Variants in TJP3 observed in about 807,000 individuals in gnomAD.
The protein encoded by TJP3 is tight junction protein 3, also known as tight junction protein ZO-3.
A neutral mutation model predicts 104.2 loss-of-function variants in TJP3; 85 were observed. The observed-to-expected ratio is 0.82, with a 90% CI of 0.68 to 0.98. The LOEUF is 0.98. Among genes scored for constraint, TJP3 ranks in the 50% least tolerant of loss-of-function variants. The pLI is 0.00. For missense variants in TJP3, 1,367 were observed against 1,322.8 expected, an observed-to-expected ratio of 1.03 and a Z score of -0.52; for synonymous variants, 550 against 550.6, an observed-to-expected ratio of 1.00 and a Z score of 0.02.
intron 1 of TJP3, among the ~76,000 whole-genome samples, chr19:3,718,319 G>C (rs1044463421): frequency 4.0e-5 from 6 of 148,970 alleles, no homozygotes; most frequent in Admixed American, 2.0e-4. Flanking sequence ...CTGGCCTCAA[G>C]AGATCCTCCC....
intron 14 of TJP3, among the ~76,000 whole-genome samples, chr19:3,742,224 A>G (rs2036831280): frequency 6.6e-6 from 1 of 151,776 alleles, no homozygotes; most frequent in African/African-American, 2.4e-5. Flanking sequence ...ACTTGAGCCC[A>G]GGAGTCTGGG....
chr19:3,739,438 C>T (rs1052809967), intron 13 of TJP3, among the ~76,000 whole-genome samples: 6 of 152,058 alleles, frequency 3.9e-5, no homozygotes, highest in South Asian at 2.1e-4. Flanking sequence ...TACAGTGAGC[C>T]GAGATCACGC....
chr19:3,735,655 G>A lies in TJP3; in HGVS notation c.1060+16G>A. The A allele has an allele frequency of 6.2e-7, 1 of 1,613,814 alleles. No individual in the cohort carries two copies. Among genetic ancestry groups the A allele is most frequent in the Non-Finnish European group, 8.5e-7 (1 of 1,179,700 alleles). The stretch of plus-strand genomic sequence containing the variant: ...CAACGGTCAGGTGGGTGGTGACTCT[G>A]AGCACCCCTGTCCCTGACATTTCTG... On this transcript the variant is annotated intron_variant, in intron 9 of 20. Coordinates refer to ENST00000541714, the MANE Select transcript of TJP3 (RefSeq NM_001267560.2).
intron 13 of TJP3, among the ~76,000 whole-genome samples, chr19:3,739,810 A>T (rs1232573507): frequency 2.6e-5 from 4 of 151,974 alleles, no homozygotes; most frequent in African/African-American, 9.7e-5. Flanking sequence ...CCCCCTTCAT[A>T]GCCACAGCAC....
chr19:3,740,014 A>G (rs2036791338), intron 13 of TJP3, among the ~76,000 whole-genome samples: 1 of 151,976 alleles, frequency 6.6e-6, no homozygotes, highest in Non-Finnish European at 1.5e-5. Flanking sequence ...CGGGCAGATC[A>G]CGAGGTCAAG....
chr19:3,723,169 C>T (rs977255744), intron 1 of TJP3, among the ~76,000 whole-genome samples: 4 of 152,292 alleles, frequency 2.6e-5, no homozygotes, highest in South Asian at 4.1e-4. Flanking sequence ...CCCTGCCCAT[C>T]GGGAGCGCTC....
intron 15 of TJP3, among the ~76,000 whole-genome samples, chr19:3,744,420 C>T (rs184308175): frequency 4.6e-5 from 7 of 152,126 alleles, no homozygotes; most frequent in Admixed American, 4.6e-4. Flanking sequence ...AATCCCAGCA[C>T]TTTGGGAGTC....
At chr19:3,734,259 C>T (rs1465333017) in intron 7 of TJP3, 68 bp from the exon 8 acceptor site, 2 of 1,505,798 alleles carry the variant, frequency 1.3e-6, no homozygotes, top group South Asian at 2.4e-5. Context: ...GTTGATATAC[C>T]CCTCTGTAAA....
chr19:3,748,368 T>C (rs1444608686), intron 19 of TJP3, among the ~76,000 whole-genome samples: 5 of 149,128 alleles, frequency 3.4e-5, no homozygotes, highest in Non-Finnish European at 5.9e-5. Context: ...ACCTCCCAGG[T>C]TCAAGCGATT....
intron 1 of TJP3, chr19:3,722,039 C>A: frequency 2.1e-6 from 1 of 479,496 alleles, no homozygotes; most frequent in Non-Finnish European, 3.3e-6. Flanking sequence ...GAAACTGAGT[C>A]CCAGAGGGAT....
In TJP3 at chr19:3,724,845, C is replaced by T. The variant is rs534086562; in HGVS notation, c.-9-3579C>T. 4.0e-5 allele frequency among the ~76,000 whole-genome samples: 6 copies of T among 151,836 alleles called. No homozygotes were observed. The East Asian group carries it at 1.2e-3, about 29-fold the overall frequency. Reference sequence around the variant, plus strand: ...GAATCCACCGTGCCCGGCCCTGGGGCCATTTAATGACACAAAGTATAACAT... The same window carrying T: ...GAATCCACCGTGCCCGGCCCTGGGGTCATTTAATGACACAAAGTATAACAT... On this transcript the variant is annotated intron_variant, in intron 1 of 20. Coordinates refer to ENST00000541714, the MANE Select transcript of TJP3 (RefSeq NM_001267560.2).
intron 1 of TJP3, among the ~76,000 whole-genome samples, chr19:3,715,685 G>T (rs1455859888): frequency 8.5e-5 from 13 of 152,156 alleles, no homozygotes; most frequent in Admixed American, 3.3e-4. Context: ...CTGGGATGGG[G>T]CCATTCTGGG....
At chr19:3,718,391 T>A (rs1019321597) in intron 1 of TJP3, among the ~76,000 whole-genome samples, 2 of 150,334 alleles carry the variant, frequency 1.3e-5, no homozygotes, top group African/African-American at 4.9e-5. Flanking sequence ...CCAAGCCTCT[T>A]ATTTTAAAGA....
intron 19 of TJP3, 92 bp from the exon 20 acceptor site, chr19:3,750,046 C>T (rs2036969349): frequency 6.4e-7 from 1 of 1,553,666 alleles, no homozygotes; most frequent in Non-Finnish European, 8.9e-7. Flanking sequence ...ATGGCCCGGG[C>T]CAAGGTGGGG....
chr19:3,721,992 C>A, intron 1 of TJP3: 1 of 783,038 alleles, frequency 1.3e-6, no homozygotes, highest in Non-Finnish European at 1.7e-6. Flanking sequence ...GGAGTCGGAC[C>A]CAGGACCCCA....
At chr19:3,721,756 G>T in intron 1 of TJP3, 1 of 410,288 alleles carries the variant, frequency 2.4e-6, no homozygotes, top group Non-Finnish European at 4.1e-6. Flanking sequence ...CTGCGGAGCT[G>T]GAGGGAGGAG....
Position 3,743,220 on chromosome 19 carries a change from C to T in TJP3, c.1844-719C>T, listed in dbSNP as rs867397356. Among the ~76,000 whole-genome samples, 286 of 151,766 alleles carry T rather than the reference C, an allele frequency of 1.9e-3. 3 individuals are homozygous for T. Among genetic ancestry groups the T allele is most frequent in the African/African-American group, 6.3e-3 (260 of 41,376 alleles). On this transcript the variant is annotated intron_variant, in intron 14 of 20. Transcript: ENST00000541714. ...TGAAGGTTGCAGTGAGCCAAGATTG[C>T]GCCACTGCACTCCAGCCTGGGCCAC...
rs2036895573 is a variant in TJP3 at position 3,746,634 on chromosome 19, C to T, written c.2160C>T (p.Ser720=). The T allele has an allele frequency of 6.2e-7, 1 of 1,613,170 alleles. No homozygotes were observed. The highest frequency in any genetic ancestry group is 8.5e-7 in the Non-Finnish European group (1 of 1,179,806). The change falls in exon 17 of 21, where the codon AGC becomes AGT. Residue 720 remains serine, a synonymous_variant. Coordinates refer to ENST00000541714, the MANE Select transcript of TJP3 (RefSeq NM_001267560.2). The surrounding 1 kb of genome is among the most constrained non-coding windows in gnomAD (Gnocchi z 4.1). ...RQWLAPASRR[S]TRRLYAQAQK... ...GGCTGGCGCCTGCCTCCCGCCGCAG[C>T]ACCCGTCGCCTCTACGCACAAGCCC...
chr19:3,749,343 A>G (rs1002699931), intron 19 of TJP3, among the ~76,000 whole-genome samples: 2 of 151,424 alleles, frequency 1.3e-5, no homozygotes, highest in Admixed American at 1.3e-4. Context: ...TATATATTTT[A>G]TTTTTTAAAT....
Sources: allele counts gnomAD v4.1 joint callset (sites outside exome capture counted in the v4.1 genomes callset), GRCh38; gene constraint gnomAD v4.1.1; non-coding constraint Gnocchi (gnomAD v3.1); transcripts MANE v1.5; gene names NCBI Gene and HGNC (gene_info 2026-07-23, HGNC 2026-07-21).